HCLS1: variants seen among roughly 807,000 people sequenced by gnomAD.
HCLS1 encodes the protein hematopoietic lineage cell-specific protein.
A neutral mutation model predicts 68.6 loss-of-function variants in HCLS1; 44 were observed. The observed-to-expected ratio is 0.64, with a 90% CI of 0.50 to 0.82. HCLS1 has a LOEUF of 0.82. Among genes scored for constraint, HCLS1 ranks in the 40% least tolerant of loss-of-function variants. The probability of loss-of-function intolerance (pLI) is 0.00; values close to 1 mark genes in which losing one functional copy is unlikely to be tolerated. For missense variants in HCLS1, 602 were observed against 612.1 expected, an observed-to-expected ratio of 0.98 and a Z score of 0.17; for synonymous variants, 217 against 225.8, an observed-to-expected ratio of 0.96 and a Z score of 0.35.
At chr3:121,647,293 A>G (rs781400355) in intron 4 of HCLS1, 26 bp downstream of exon 4, 5 of 1,612,428 alleles carry the variant, frequency 3.1e-6, no homozygotes, top group Non-Finnish European at 4.2e-6. Flanking sequence ...TATTTTTTTA[A>G]AGCAAATCTT....
At chr3:121,660,058 C>T (rs1007465017) in intron 1 of HCLS1, among the ~76,000 whole-genome samples, 3 of 152,148 alleles carry the variant, frequency 2.0e-5, no homozygotes, top group African/African-American at 7.2e-5. Context: ...TGACCTCCTG[C>T]ATCAAAGTAC....
intron 6 of HCLS1, among the ~76,000 whole-genome samples, chr3:121,637,597 T>C (rs2049162372): frequency 6.6e-6 from 1 of 151,938 alleles, no homozygotes; most frequent in Admixed American, 6.6e-5. Flanking sequence ...TACTCCCATA[T>C]AAGCACATAG....
intron 8 of HCLS1, 111 bp downstream of exon 8, chr3:121,636,323 G>T: frequency 1.2e-6 from 1 of 864,244 alleles, no homozygotes; most frequent in South Asian, 1.4e-5. Context: ...CAGGCTCTGT[G>T]TGCCCAGCAC....
chr3:121,646,478 TATAG>T (rs1937608371), intron 4 of HCLS1, among the ~76,000 whole-genome samples: 1 of 104,704 alleles, frequency 9.6e-6, no homozygotes, highest in Non-Finnish European at 1.7e-5. Context: ...TAATATATAA[TATAG>T]ATATATTATA....
chr3:121,633,073 G>C lies in HCLS1; in HGVS notation c.1002C>G (p.Leu334=). ...PVPLLPIRQT[L]PEDNEEPPAL... ...TCTTTGGGGGTTTGCTTACCTCCGG[G>C]AGAGTCTGCCTAATGGGCAGCAAGG... is the stretch of plus-strand genomic sequence containing the variant. Residue 334 remains leucine (L), a synonymous_variant, in exon 11 of 14, where the codon CTC becomes CTG. Coordinates refer to ENST00000314583, the MANE Select transcript of HCLS1 (RefSeq NM_005335.6). 1.2e-6 allele frequency: 2 copies of C among 1,606,896 alleles called. No homozygotes were observed. Among genetic ancestry groups the C allele is most frequent in the Non-Finnish European group, 1.7e-6 (2 of 1,173,742 alleles).
At chr3:121,657,221 T>G in intron 3 of HCLS1, 58 bp downstream of exon 3, 1 of 1,451,898 alleles carries the variant, frequency 6.9e-7, no homozygotes, top group South Asian at 1.2e-5. Context: ...AGTCTCCGAG[T>G]TTTCTTTGGG....
Position 121,631,716 on chromosome 3 carries a change from A to G in HCLS1, c.*130T>C, listed in dbSNP as rs6779102. The G allele has an allele frequency of 1.0e-6, 1 of 955,182 alleles. No homozygotes were observed. The highest frequency in any genetic ancestry group is 1.6e-6 in the Non-Finnish European group (1 of 638,030). The allele number at this position is 955,182 out of a possible 1,614,324, so 59.2% of individuals were successfully genotyped here. A position where few individuals can be genotyped will look rare whatever the true frequency, so the allele number is the denominator to read the frequency against. Reference sequence around the variant, plus strand: ...ATGCTGTCTCTGCCCCAAGCCCTTAATGAAGCAGGAGAGGGAAGTCTGTCC... The same window carrying G: ...ATGCTGTCTCTGCCCCAAGCCCTTAGTGAAGCAGGAGAGGGAAGTCTGTCC... On this transcript the variant is annotated 3_prime_UTR_variant, in exon 14 of 14. Transcript: ENST00000314583.
At position 121,631,657 on chromosome 3, in the gene HCLS1, G is replaced by C. The variant is rs2049098222; in HGVS notation, c.*189C>G. On this transcript the variant is annotated 3_prime_UTR_variant, in exon 14 of 14. Transcript: ENST00000314583. Reference sequence around the variant, plus strand: ...AATGTTCATGAGCTCATCCAGGATAGAGAGGACTCTTGGGGAAGGGGACCT... The same window carrying C: ...AATGTTCATGAGCTCATCCAGGATACAGAGGACTCTTGGGGAAGGGGACCT... The C allele has an allele frequency of 3.3e-6, 2 of 601,522 alleles. No individual in the cohort carries two copies. Among genetic ancestry groups the C allele is most frequent in the East Asian group, 2.8e-5 (1 of 35,578 alleles). 37.3% of individuals were successfully genotyped at this position (601,522 alleles called of 1,614,324 possible). A position where few individuals can be genotyped will look rare whatever the true frequency, so the allele number is the denominator to read the frequency against.
intron 5 of HCLS1, chr3:121,643,945 G>A (rs1159842981): frequency 2.6e-5 from 4 of 152,480 alleles, no homozygotes; most frequent in Non-Finnish European, 5.9e-5. Flanking sequence ...TAGCTTTGCA[G>A]TATGTTTTAA....
chr3:121,656,152 A>G (rs1180031136), intron 3 of HCLS1: 1 of 152,134 alleles, frequency 6.6e-6, no homozygotes, highest in Non-Finnish European at 1.5e-5. Flanking sequence ...CCCGGCCGAA[A>G]CCATTTATTT....
intron 2 of HCLS1, chr3:121,658,028 G>T (rs1937910915): frequency 2.1e-6 from 1 of 482,832 alleles, no homozygotes; most frequent in Non-Finnish European, 3.8e-6. Context: ...AGCCTGCCAT[G>T]GCCTGTCAAT....
At chr3:121,647,055 C>T (rs1266875201) in intron 4 of HCLS1, among the ~76,000 whole-genome samples, 2 of 149,280 alleles carry the variant, frequency 1.3e-5, no homozygotes, top group Non-Finnish European at 3.0e-5. Context: ...GATCTCGGCT[C>T]ACTGCAAGCT....
At chr3:121,641,483 T>C (rs550275669) in intron 6 of HCLS1, among the ~76,000 whole-genome samples, 1 of 152,280 alleles carries the variant, frequency 6.6e-6, no homozygotes, top group East Asian at 1.9e-4. Flanking sequence ...AATAGGTAAA[T>C]ACCTTGGTCA....
chr3:121,639,254 T>C (rs186993766), intron 6 of HCLS1, among the ~76,000 whole-genome samples: 14 of 152,322 alleles, frequency 9.2e-5, no homozygotes, highest in Admixed American at 4.6e-4. Flanking sequence ...AACTACAGAA[T>C]ATACTTTTTT....
intron 8 of HCLS1, 38 bp downstream of exon 8, chr3:121,636,396 G>A (rs970567274): frequency 6.5e-7 from 1 of 1,537,072 alleles, no homozygotes; most frequent in Non-Finnish European, 9.0e-7. Context: ...CTAAACTTAG[G>A]GAACTCTTCT....
chr3:121,647,477 T>G, intron 3 of HCLS1, 29 bp from the exon 4 acceptor site: 1 of 1,613,362 alleles, frequency 6.2e-7, no homozygotes, highest in Non-Finnish European at 8.5e-7. Context: ...CCAAGGCTCA[T>G]CTATCCTAGG....
intron 9 of HCLS1, 115 bp from the exon 10 acceptor site, chr3:121,634,533 G>C: frequency 1.1e-6 from 1 of 944,482 alleles, no homozygotes; most frequent in Non-Finnish European, 1.6e-6. Flanking sequence ...GGATTTGTGG[G>C]ACAGGATGGT....
chr3:121,634,089 A>AGACATTGCCTAACCCAGGGGAG, intron 10 of HCLS1, 118 bp downstream of exon 10: 1 of 1,529,100 alleles, frequency 6.5e-7, no homozygotes, highest in Non-Finnish European at 8.8e-7. Context: ...CAGAGACAAC[A>AGACATTGCCTAACCCAGGGGAG]GACCTTGCCT....
intron 4 of HCLS1, among the ~76,000 whole-genome samples, chr3:121,645,599 G>A (rs543970193): frequency 2.6e-5 from 4 of 152,144 alleles, no homozygotes; most frequent in Admixed American, 2.6e-4. Flanking sequence ...GAGTTACAAT[G>A]TGGTTGGGGC....
Sources: allele counts gnomAD v4.1 joint callset (sites outside exome capture counted in the v4.1 genomes callset), GRCh38; gene constraint gnomAD v4.1.1; transcripts MANE v1.5; gene names NCBI Gene and HGNC (gene_info 2026-07-23, HGNC 2026-07-21).